Variants in TAF1 observed in about 807,000 individuals in gnomAD.
The protein encoded by TAF1 is transcription initiation factor TFIID subunit 1.
Under a neutral mutation model 138.5 loss-of-function variants are expected in TAF1, and 2 were observed. That is an observed-to-expected ratio of 0.01 (90% CI 0.01 to 0.05). The LOEUF is 0.05. Among genes scored for constraint, TAF1 ranks in the 10% least tolerant of loss-of-function variants. The probability of loss-of-function intolerance (pLI) is 1.00; values close to 1 mark genes in which losing one functional copy is unlikely to be tolerated. For synonymous variants in TAF1, 437 were observed against 503.2 expected (o/e 0.87, Z 1.76); for missense variants, 709 against 1,478.0 (o/e 0.48, Z 8.53).
At chrX:71,487,317 ATTTTTT>A (rs60691914) in intron 13 of TAF1, among the ~76,000 whole-genome samples, 3 of 55,025 alleles carry the variant, frequency 5.5e-5, no homozygotes, top group Non-Finnish European at 1.0e-4. Context: ...TAATGTATGT[ATTTTTT>A]TTTTTTTTTT....
chrX:71,477,740 T>C (rs370639204), intron 13 of TAF1, among the ~76,000 whole-genome samples: 78 of 112,402 alleles, frequency 6.9e-4, no homozygotes, highest in African/African-American at 2.3e-3. Context: ...ACGCCTGTAA[T>C]TCCAGCACTT....
rs757223876 is a variant in TAF1 at position 71,382,734 on chromosome X, G to A, written c.1666-27G>A. The stretch of plus-strand genomic sequence containing the variant: ...GGTAATAGAGAAGGATAGTCTGACC[G>A]AGATTTGTTTGATTATCTATCATTA... On this transcript the variant is annotated intron_variant, in intron 10 of 37. Transcript: ENST00000423759. 7.5e-6 allele frequency: 9 copies of A among 1,202,710 alleles called. No homozygotes were observed. The African/African-American group carries it at 1.1e-4, about 14-fold the overall frequency.
rs370299969 is a variant in TAF1 at position 71,481,626 on chromosome X, C to T, written c.1366+20823C>T. Among the ~76,000 whole-genome samples, 14 of 111,571 alleles carry T rather than the reference C, an allele frequency of 1.3e-4. No homozygotes were observed. In the East Asian group the frequency reaches 3.2e-3, roughly 25 times the overall value. On this transcript the variant is annotated intron_variant and NMD_transcript_variant, in intron 13 of 14. Coordinates refer to the TAF1 transcript ENST00000373775. ...AGGCTGGAGTGCAGTGGCACGATCT[C>T]GGCTCACTGCAACCTCCGCCTCCCA... is the stretch of plus-strand genomic sequence containing the variant.
At chrX:71,393,041 A>G (rs1231754781) in intron 20 of TAF1, 47 bp downstream of exon 20, 1 of 1,195,284 alleles carries the variant, frequency 8.4e-7, no homozygotes, top group Non-Finnish European at 1.1e-6. Flanking sequence ...GGCTTTGTAT[A>G]GAGTTGGAAT....
chrX:71,472,959 C>A (rs927570321), intron 13 of TAF1, among the ~76,000 whole-genome samples: 2 of 111,834 alleles, frequency 1.8e-5, no homozygotes, highest in African/African-American at 6.5e-5. Flanking sequence ...TGCCAGAAGT[C>A]CTATGTAAAC....
At chrX:71,381,554 C>G (rs1346989376) in intron 8 of TAF1, among the ~76,000 whole-genome samples, 189 bp from the exon 9 acceptor site, 15 of 112,245 alleles carry the variant, frequency 1.3e-4, no homozygotes, top group Non-Finnish European at 5.6e-5. Flanking sequence ...TGTGAGCCAC[C>G]GTGCTGAGCC....
intron 3 of TAF1, among the ~76,000 whole-genome samples, chrX:71,371,542 A>G (rs757229227): frequency 1.9e-4 from 21 of 111,969 alleles, no homozygotes; most frequent in Non-Finnish European, 9.4e-5. Context: ...TCTTGAAAGG[A>G]GTAGAAAACA....
At chrX:71,388,571 C>T in intron 16 of TAF1, 167 bp from the exon 17 acceptor site, 1 of 903,034 alleles carries the variant, frequency 1.1e-6, no homozygotes, top group South Asian at 2.6e-5. Flanking sequence ...TGTTGGATAT[C>T]TTCTATGAGT....
rs1203206420 is a variant in TAF1 at position 71,472,002 on chromosome X, G to A, written c.1366+11199G>A. ...AAAGGGCATAGCCTCTGGTCCTTTT[G>A]TTACTTAGACATGGAAACTTAGAGT... On this transcript the variant is annotated intron_variant and NMD_transcript_variant, in intron 13 of 14. Coordinates refer to the TAF1 transcript ENST00000373775. Among the ~76,000 whole-genome samples, 4 of 112,081 alleles carry A rather than the reference G, an allele frequency of 3.6e-5. 1 individual carries two copies. The highest frequency in any genetic ancestry group is 1.3e-4 in the African/African-American group (4 of 30,866).
rs368114057 is a variant in TAF1 at position 71,460,623 on chromosome X, C to T, written c.5222-3C>T. ...ATGACCCAGAATCTGTCTCTTTTTA[C>T]AGCTATCCAGCTGAGTGAAAGTGGA... On this transcript the variant is annotated splice_polypyrimidine_tract_variant and splice_region_variant and intron_variant, in intron 36 of 37. Transcript: ENST00000423759. 42 of 1,208,699 alleles carry T rather than the reference C, an allele frequency of 3.5e-5. No individual in the cohort carries two copies. In the African/African-American group the frequency reaches 7.0e-4, roughly 20 times the overall value.
rs767302909 is a variant in TAF1, at chrX:71,378,967, A to C, written c.1296A>C (p.Ala432=). 2.5e-6 allele frequency: 3 copies of C among 1,208,866 alleles called. No individual in the cohort carries two copies. The Admixed American group carries it at 6.6e-5, about 27-fold the overall frequency. The change falls in exon 8 of 38, where the codon GCA becomes GCC. Residue 432 remains alanine (A), a synonymous_variant. Coordinates refer to ENST00000423759, the MANE Select transcript of TAF1 (RefSeq NM_004606.5). ...VKHKGTKPQR[A]SLAGWLPSSM... ...ACAAAGGGACAAAACCTCAGCGTGC[A>C]AGCCTGGCAGGCTGGCTTCCTTCTA...
At chrX:71,431,851 G>A (rs761912192) in intron 32 of TAF1, among the ~76,000 whole-genome samples, 1 of 108,665 alleles carries the variant, frequency 9.2e-6, no homozygotes, top group African/African-American at 3.4e-5. Context: ...GGGAGGTGGA[G>A]GTTGCAGTGA....
At chrX:71,485,968 T>A (rs1235370285) in intron 13 of TAF1, among the ~76,000 whole-genome samples, 3 of 110,098 alleles carry the variant, frequency 2.7e-5, no homozygotes, top group Admixed American at 9.8e-5. Flanking sequence ...TTTATTTATT[T>A]ATTATTTATT....
At chrX:71,462,590 TAAC>T (rs1259086297) in intron 37 of TAF1, among the ~76,000 whole-genome samples, 5 of 108,460 alleles carry the variant, frequency 4.6e-5, no homozygotes, top group African/African-American at 1.1e-4. Flanking sequence ...ATAAAAATAA[TAAC>T]AACAATAATA....
chrX:71,384,836 A>G, intron 13 of TAF1, 109 bp from the exon 14 acceptor site: 1 of 556,459 alleles, frequency 1.8e-6, no homozygotes, highest in Non-Finnish European at 2.8e-6. Context: ...TTCTGGTCAC[A>G]AGCATTTTGG....
chrX:71,526,123 T>C (rs1487760430), intron 13 of TAF1, among the ~76,000 whole-genome samples: 2 of 111,865 alleles, frequency 1.8e-5, no homozygotes, highest in Non-Finnish European at 3.8e-5. Flanking sequence ...CCATCTTCAA[T>C]GCTTTTTCTT....
At position 71,508,086 on chromosome X, in the gene TAF1, C is replaced by CTCTCTCTCTCTCTCTATATA. The variant is rs4040068; in HGVS notation, c.1367-20455_1367-20454insCTCTCTCTCTCTCTATATAT. 9.8e-4 allele frequency among the ~76,000 whole-genome samples: 90 copies of CTCTCTCTCTCTCTCTATATA among 92,161 alleles called. 1 individual carries two copies. The highest frequency in any genetic ancestry group is 1.3e-3 in the Non-Finnish European group (63 of 47,684). 80.0% of individuals were successfully genotyped at this position (92,161 alleles called of 115,157 possible). A position where few individuals can be genotyped will look rare whatever the true frequency, so the allele number is the denominator to read the frequency against. On this transcript the variant is annotated intron_variant and NMD_transcript_variant, in intron 13 of 14. Coordinates refer to the TAF1 transcript ENST00000373775. Reference sequence around the variant, plus strand: ...GAATATTCTCTCTCTCTCTCTCTCTCTATATATATATATATATATATATAT... The same window carrying CTCTCTCTCTCTCTCTATATA: ...GAATATTCTCTCTCTCTCTCTCTCTCTCTCTCTCTCTCTCTATATATATATATATATATATATATATATAT...
intron 22 of TAF1, 112 bp from the exon 23 acceptor site, chrX:71,397,141 A>G (rs1408475872): frequency 1.3e-6 from 1 of 794,573 alleles, no homozygotes; most frequent in African/African-American, 2.1e-5. Flanking sequence ...TGCTTTTTGT[A>G]GAACCATAGT....
At chrX:71,366,517 A>C in intron 1 of TAF1, 23 bp downstream of exon 1, 34 of 108,651 alleles carry the variant, frequency 3.1e-4, no homozygotes, top group East Asian at 4.2e-4. Flanking sequence ...GCGTGGGGGT[A>C]GGGCTCGGGG....
Sources: gnomAD v4.1 joint callset for allele counts (sites outside exome capture counted in the v4.1 genomes callset) on GRCh38, gnomAD v4.1.1 for gene constraint, MANE v1.5 for transcripts, NCBI Gene and HGNC (gene_info 2026-07-23, HGNC 2026-07-21) for gene names.